Variants in BRSK2 observed in about 807,000 individuals in gnomAD.
The protein encoded by BRSK2 is BR serine/threonine kinase 2.
In BRSK2, 19 loss-of-function variants were observed where a neutral mutation model predicts 83.3. The ratio of observed to expected loss-of-function variants is 0.23; its 90% CI spans 0.16 to 0.33. BRSK2 has a LOEUF of 0.33. Ranked by LOEUF, BRSK2 falls within the 10% of genes least tolerant of loss-of-function variation. The probability of loss-of-function intolerance (pLI) is 1.00; values close to 1 mark genes in which losing one functional copy is unlikely to be tolerated. For synonymous variants in BRSK2, 519 were observed against 435.4 expected, an observed-to-expected ratio of 1.19 and a Z score of -2.39; for missense variants, 798 against 1,042.3, an observed-to-expected ratio of 0.77 and a Z score of 3.23.
At chr11:1,402,816 G>C (rs1846578678) in intron 1 of BRSK2, among the ~76,000 whole-genome samples, 1 of 152,184 alleles carries the variant, frequency 6.6e-6, no homozygotes, top group Non-Finnish European at 1.5e-5. Flanking sequence ...CAGGCCCCCA[G>C]CAGAGGAGGC....
At chr11:1,425,147 C>A (rs567275468) in intron 1 of BRSK2, among the ~76,000 whole-genome samples, 1 of 152,348 alleles carries the variant, frequency 6.6e-6, no homozygotes, top group South Asian at 2.1e-4. Flanking sequence ...CGTGGCCGGT[C>A]GGTCCCGGCG....
rs115067567 is a variant in BRSK2, at chr11:1,417,449, C to G, written c.92-18591C>G. Among the ~76,000 whole-genome samples, 1,382 of 152,378 alleles carry G rather than the reference C, an allele frequency of 9.1e-3. 21 individuals carry two copies. Among genetic ancestry groups the G allele is most frequent in the African/African-American group, 0.031 (1,289 of 41,592 alleles). On this transcript the variant is annotated intron_variant, in intron 1 of 19. Coordinates refer to ENST00000528841, the MANE Select transcript of BRSK2 (RefSeq NM_001256627.2). ...ATATATATGTGTGATATTATCTTAT[C>G]CTTTTCTGAAAATTCTAGCATTTAG...
intron 1 of BRSK2, among the ~76,000 whole-genome samples, chr11:1,404,705 C>T (rs368640733): frequency 3.3e-5 from 5 of 152,176 alleles, no homozygotes; most frequent in African/African-American, 7.2e-5. Context: ...GAGCAACGGG[C>T]GTGGGCTTGC....
At chr11:1,439,783 G>C (rs1480115557) in intron 3 of BRSK2, among the ~76,000 whole-genome samples, 2 of 150,638 alleles carry the variant, frequency 1.3e-5, no homozygotes, top group Non-Finnish European at 3.0e-5. Flanking sequence ...TGCCCTGAGG[G>C]CTTCACACCT....
chr11:1,411,186 C>G (rs1030705271), intron 1 of BRSK2: 5 of 1,233,200 alleles, frequency 4.1e-6, no homozygotes, highest in Non-Finnish European at 4.0e-6. Context: ...TTCCTGGTCA[C>G]TGAGCCAGCC....
At chr11:1,451,006 G>A (rs1267890765) in intron 14 of BRSK2, among the ~76,000 whole-genome samples, 1 of 152,238 alleles carries the variant, frequency 6.6e-6, no homozygotes, top group Non-Finnish European at 1.5e-5. Flanking sequence ...GACATTCTGT[G>A]TTCCTGAGTC....
chr11:1,451,238 G>C (rs781197652), intron 14 of BRSK2, 133 bp from the exon 15 acceptor site: 1 of 982,646 alleles, frequency 1.0e-6, no homozygotes, highest in Non-Finnish European at 1.5e-6. Flanking sequence ...GGGTGGACCA[G>C]TGCCCCTGGG....
chr11:1,406,833 C>T (rs1032251038), intron 1 of BRSK2, among the ~76,000 whole-genome samples: 1 of 152,220 alleles, frequency 6.6e-6, no homozygotes, highest in African/African-American at 2.4e-5. Flanking sequence ...TCTGCTCCCT[C>T]CACGAGGTAC....
intron 1 of BRSK2, among the ~76,000 whole-genome samples, chr11:1,399,678 C>T (rs116927247): frequency 0.024 from 3,591 of 152,302 alleles, 58 homozygotes; most frequent in Non-Finnish European, 0.033. Context: ...ACAGTAACCC[C>T]GGACACATCC....
chr11:1,411,421 A>G, intron 1 of BRSK2: 1 of 1,456,452 alleles, frequency 6.9e-7, no homozygotes, highest in Non-Finnish European at 9.0e-7. Flanking sequence ...CCTGAGGGCC[A>G]CCCCAGCCGA....
chr11:1,455,867 G>C (rs1463105891), intron 16 of BRSK2, among the ~76,000 whole-genome samples: 1 of 152,046 alleles, frequency 6.6e-6, no homozygotes, highest in Non-Finnish European at 1.5e-5. Flanking sequence ...CACCCAGCCA[G>C]TGCCCAGCAC....
chr11:1,439,606 C>T (rs1458753119), intron 3 of BRSK2, among the ~76,000 whole-genome samples: 1 of 152,060 alleles, frequency 6.6e-6, no homozygotes, highest in African/African-American at 2.4e-5. Flanking sequence ...AGGAGGTGGG[C>T]ATGGCCGGGC....
At chr11:1,452,763 A>G (rs1174738151) in intron 15 of BRSK2, among the ~76,000 whole-genome samples, 6 of 152,058 alleles carry the variant, frequency 3.9e-5, no homozygotes, top group Admixed American at 3.9e-4. Context: ...GGCCCGGCAC[A>G]GATGCCTGTG....
chr11:1,460,656 C>T lies in BRSK2; in HGVS notation c.2144C>T (p.Ala715Val). 1 of 1,528,250 alleles carries T rather than the reference C, an allele frequency of 6.5e-7. No homozygotes were observed. Among genetic ancestry groups the T allele is most frequent in the South Asian group, 1.2e-5 (1 of 83,712 alleles). The allele number at this position is 1,528,250 out of a possible 1,614,324, so 94.7% of individuals were successfully genotyped here. ...AAAGPGPGGD[A>V]EYPTGKDTAK... ...GCTGGCCCTGGCCCCGGAGGGGACG[C>T]CGAGTACCCAACGGGCAAGGACACG... The change falls in exon 20 of 20, where the codon GCC becomes GTC. Residue 715 changes from alanine to valine, a missense_variant. Ala to Val is a moderately conservative substitution (Grantham distance 64). Coordinates refer to ENST00000528841, the MANE Select transcript of BRSK2 (RefSeq NM_001256627.2).
chr11:1,429,245 G>C (rs1849656806), intron 1 of BRSK2, among the ~76,000 whole-genome samples: 1 of 108,334 alleles, frequency 9.2e-6, no homozygotes, highest in Non-Finnish European at 1.7e-5. Context: ...GGTGTGTCCT[G>C]GATGCATGTG....
intron 1 of BRSK2, among the ~76,000 whole-genome samples, chr11:1,434,192 G>A (rs143382046): frequency 0.024 from 3,592 of 152,344 alleles, 57 homozygotes; most frequent in Non-Finnish European, 0.033. Context: ...GTGACGTCCC[G>A]CGGGTCAACA....
intron 1 of BRSK2, among the ~76,000 whole-genome samples, chr11:1,435,797 A>G (rs1209197341): frequency 6.6e-6 from 1 of 151,718 alleles, no homozygotes; most frequent in African/African-American, 2.4e-5. Context: ...GAGGGGGGCC[A>G]CAGAGACCTG....
chr11:1,428,899 T>G (rs1040754455), intron 1 of BRSK2, among the ~76,000 whole-genome samples: 1 of 148,718 alleles, frequency 6.7e-6, no homozygotes, highest in African/African-American at 2.5e-5. Flanking sequence ...ACTGGGGGTG[T>G]GCACTGGGTG....
rs185433958 is a variant in BRSK2, at chr11:1,456,273, C to A, written c.1669-75C>A. The stretch of plus-strand genomic sequence containing the variant: ...TGTGTGCACGGTGGGGCTGGCTCGC[C>A]CCAGGGCTGCCTCCCCAGAGGGCCA... On this transcript the variant is annotated intron_variant, in intron 16 of 19. Coordinates refer to ENST00000528841, the MANE Select transcript of BRSK2 (RefSeq NM_001256627.2). 2.8e-4 allele frequency: 395 copies of A among 1,433,778 alleles called. 3 individuals carry two copies. The African/African-American group carries it at 5.3e-3, about 19-fold the overall frequency. The allele number at this position is 1,433,778 out of a possible 1,614,324, so 88.8% of individuals were successfully genotyped here. A position where few individuals can be genotyped will look rare whatever the true frequency, so the allele number is the denominator to read the frequency against.
Sources: allele counts gnomAD v4.1 joint callset (sites outside exome capture counted in the v4.1 genomes callset), GRCh38; gene constraint gnomAD v4.1.1; transcripts MANE v1.5; gene names NCBI Gene and HGNC (gene_info 2026-07-23, HGNC 2026-07-21).